The following RORA variants were observed in gnomAD, a reference collection of about 807,000 sequenced individuals.
RORA encodes RAR related orphan receptor A.
RORA carries 7 observed loss-of-function variants against 69.5 expected under a neutral mutation model. That is an observed-to-expected ratio of 0.10 (90% confidence interval 0.06 to 0.19). RORA has a LOEUF of 0.19. RORA is among the 10% of genes least tolerant of loss of function. The probability of loss-of-function intolerance (pLI) is 1.00; values close to 1 mark genes in which losing one functional copy is unlikely to be tolerated. For synonymous variants in RORA, 261 were observed against 240.8 expected (o/e 1.08, Z -0.78); for missense variants, 457 against 663.0 (o/e 0.69, Z 3.41).
chr15:60,651,337 C>A (rs879400954), intron 2 of RORA, among the ~76,000 whole-genome samples: 1 of 152,288 alleles, frequency 6.6e-6, no homozygotes, highest in East Asian at 1.9e-4. Flanking sequence ...AAATACCACA[C>A]GTTGCTTGCC....
intron 1 of RORA, among the ~76,000 whole-genome samples, chr15:60,949,109 C>G (rs1279997495): frequency 1.3e-5 from 2 of 152,068 alleles, no homozygotes; most frequent in African/African-American, 4.8e-5. Context: ...TCTTTCCTTC[C>G]CCAACATCTC....
At chr15:60,557,696 A>T (rs1317233731) in intron 2 of RORA, among the ~76,000 whole-genome samples, 1 of 152,202 alleles carries the variant, frequency 6.6e-6, no homozygotes, top group East Asian at 1.9e-4. Context: ...AGTTCTCTCA[A>T]AGAATATAAT....
rs77836651 is a variant in RORA at position 61,009,633 on chromosome 15, C to T, written c.166+219420G>A. On this transcript the variant is annotated intron_variant, in intron 1 of 10. Transcript: ENST00000335670. ...GGAAACATCTGATTTGTCTTGACTA[C>T]GCTTAGACCTCACAAATCTTGAACT... Among the ~76,000 whole-genome samples, 183 of 152,290 alleles carry T rather than the reference C, an allele frequency of 1.2e-3. 3 individuals are homozygous for T. The highest frequency in any genetic ancestry group is 4.2e-3 in the African/African-American group (173 of 41,560).
chr15:60,579,463 TAA>T (rs10715464), intron 2 of RORA, among the ~76,000 whole-genome samples: 4 of 151,194 alleles, frequency 2.6e-5, no homozygotes, highest in Non-Finnish European at 1.5e-5. Flanking sequence ...CCTTCCTGCT[TAA>T]AAAAAAAAAT....
chr15:60,907,017 G>C (rs985047672), intron 1 of RORA, among the ~76,000 whole-genome samples: 2 of 152,192 alleles, frequency 1.3e-5, no homozygotes, highest in Admixed American at 1.3e-4. Flanking sequence ...CAAGCAGCTA[G>C]AAGGAGGGAG....
intron 1 of RORA, among the ~76,000 whole-genome samples, chr15:60,750,275 G>T (rs141464758): frequency 6.6e-6 from 1 of 152,272 alleles, no homozygotes; most frequent in East Asian, 1.9e-4. Flanking sequence ...GCTGAGAAAG[G>T]ACTCACTCTC....
intron 2 of RORA, chr15:60,557,025 A>G (rs1292311686): frequency 4.2e-6 from 4 of 952,050 alleles, no homozygotes; most frequent in Non-Finnish European, 4.9e-6. Flanking sequence ...TTGAACAGCA[A>G]TAAGTACCCA....
chr15:60,860,825 C>G lies in RORA; in HGVS notation c.167-182139G>C, dbSNP rs140727335. On this transcript the variant is annotated intron_variant, in intron 1 of 10. Transcript: ENST00000335670. ...GAAGTGTGCTAGGGTAATGGAGATT[C>G]ACCATGGAACTTCCTTTTATTTTCC... 7.9e-5 allele frequency among the ~76,000 whole-genome samples: 12 copies of G among 152,338 alleles called. No individual in the cohort carries two copies. In the East Asian group the frequency reaches 2.3e-3, roughly 29 times the overall value.
chr15:61,058,937 T>A (rs375014807), intron 1 of RORA, among the ~76,000 whole-genome samples: 68 of 152,224 alleles, frequency 4.5e-4, no homozygotes, highest in African/African-American at 1.5e-3. Context: ...TAGTCATCTG[T>A]AAAATATGGT....
intron 1 of RORA, among the ~76,000 whole-genome samples, chr15:60,754,028 T>G (rs1305023259): frequency 6.6e-6 from 1 of 152,238 alleles, no homozygotes; most frequent in Non-Finnish European, 1.5e-5. Flanking sequence ...CTTGCTCTTC[T>G]TCCTCAACCT....
At chr15:60,825,944 T>C (rs1440829714) in intron 1 of RORA, among the ~76,000 whole-genome samples, 1 of 152,212 alleles carries the variant, frequency 6.6e-6, no homozygotes, top group African/African-American at 2.4e-5. Context: ...TATAAATATA[T>C]TCCTTTGGGC....
In RORA at chr15:60,671,096, A is replaced by ATATATG. The variant is rs1261836824; in HGVS notation, c.196+7560_196+7561insCATATA. ...TATATATATATATATATATATATAT[A>ATATATG]TCTGTTTCCTGAGCGTTCTGTTAGC... On this transcript the variant is annotated intron_variant, in intron 2 of 10. Transcript: ENST00000335670. Among the ~76,000 whole-genome samples, 24 of 129,958 alleles carry ATATATG rather than the reference A, an allele frequency of 1.8e-4. No individual in the cohort carries two copies. In the Admixed American group the frequency reaches 1.9e-3, roughly 10 times the overall value. The allele number at this position is 129,958 out of a possible 152,430, so 85.3% of individuals were successfully genotyped here.
chr15:60,762,783 C>T (rs2071914710), intron 1 of RORA, among the ~76,000 whole-genome samples: 1 of 152,178 alleles, frequency 6.6e-6, no homozygotes, highest in African/African-American at 2.4e-5. Context: ...ATTTCGTAAA[C>T]TGCTGCTGCT....
At chr15:60,780,703 C>T (rs769491966) in intron 1 of RORA, among the ~76,000 whole-genome samples, 2 of 152,204 alleles carry the variant, frequency 1.3e-5, no homozygotes, top group Admixed American at 6.5e-5. Flanking sequence ...AACCACACTT[C>T]TCCATCTGCA....
At chr15:60,758,630 A>C (rs1012174475) in intron 1 of RORA, among the ~76,000 whole-genome samples, 4 of 152,156 alleles carry the variant, frequency 2.6e-5, no homozygotes, top group Admixed American at 2.0e-4. Context: ...TCTCTCAACT[A>C]GTTTTTGCTC....
intron 1 of RORA, among the ~76,000 whole-genome samples, chr15:61,023,727 G>C (rs1430828176): frequency 6.6e-6 from 1 of 152,198 alleles, no homozygotes; most frequent in Non-Finnish European, 1.5e-5. Flanking sequence ...TTCCTCTCAT[G>C]TGAGTGGACA....
At chr15:61,069,737 AAAAAG>A (rs545196169) in intron 1 of RORA, among the ~76,000 whole-genome samples, 22 of 152,276 alleles carry the variant, frequency 1.4e-4, no homozygotes, top group East Asian at 5.8e-4. Flanking sequence ...AAAGGAAAGA[AAAAAG>A]AAAAGAAAAG....
chr15:60,557,566 T>C (rs917712816), intron 2 of RORA, among the ~76,000 whole-genome samples: 20 of 152,222 alleles, frequency 1.3e-4, no homozygotes, highest in Admixed American at 2.6e-4. Flanking sequence ...ATTATAAACA[T>C]AGGAAATTCT....
chr15:61,197,292 G>T (rs866804358), intron 1 of RORA, among the ~76,000 whole-genome samples: 22 of 152,230 alleles, frequency 1.4e-4, no homozygotes, highest in African/African-American at 4.6e-4. Context: ...ATCAGGGGGA[G>T]ACTTTAATAA....
Sources: allele counts gnomAD v4.1 joint callset (sites outside exome capture counted in the v4.1 genomes callset), GRCh38; gene constraint gnomAD v4.1.1; transcripts MANE v1.5; gene names NCBI Gene and HGNC (gene_info 2026-07-23, HGNC 2026-07-21).